Variants in CDC37 observed in about 807,000 individuals in gnomAD.
CDC37 encodes cell division cycle 37, HSP90 cochaperone, also known as hsp90 co-chaperone Cdc37.
A neutral mutation model predicts 46.9 loss-of-function variants in CDC37; 9 were observed. The observed-to-expected ratio is 0.19, with a 90% CI of 0.12 to 0.33. CDC37 has a LOEUF of 0.33. Among genes scored for constraint, CDC37 ranks in the 10% least tolerant of loss-of-function variants. The probability of loss-of-function intolerance (pLI) is 1.00; values close to 1 mark genes in which losing one functional copy is unlikely to be tolerated. For synonymous variants in CDC37, 193 were observed against 191.0 expected (o/e 1.01, Z -0.09); for missense variants, 388 against 514.6 (o/e 0.75, Z 2.38).
chr19:10,395,809 C>A, intron 2 of CDC37, 119 bp downstream of exon 2: 1 of 1,138,426 alleles, frequency 8.8e-7, no homozygotes, highest in East Asian at 2.4e-5. Flanking sequence ...CGCCCCCCAC[C>A]ACACTCTTCA....
chr19:10,403,535 TGGA>T lies in CDC37; in HGVS notation c.-59_-57del. 1 of 1,355,350 alleles carries T rather than the reference TGGA, an allele frequency of 7.4e-7. No homozygotes were observed. The highest frequency in any genetic ancestry group is 1.4e-5 in the African/African-American group (1 of 70,132). 84.0% of individuals were successfully genotyped at this position (1,355,350 alleles called of 1,614,324 possible). ...CGGGTGGCGGCGACGGCGGCAGCAG[TGGA>T]GACTAGGAGCGCGGAGCCCCGCCCC... is the stretch of plus-strand genomic sequence containing the variant. On this transcript the variant is annotated 5_prime_UTR_variant, in exon 1 of 8. Coordinates refer to ENST00000222005, the MANE Select transcript of CDC37 (RefSeq NM_007065.4).
intron 1 of CDC37, among the ~76,000 whole-genome samples, chr19:10,401,187 G>T (rs1231043757): frequency 6.6e-6 from 1 of 152,200 alleles, no homozygotes; most frequent in African/African-American, 2.4e-5. Flanking sequence ...CAGGGAGGTG[G>T]GGCCATATTA....
rs1268389243 is a variant in CDC37 at position 10,395,445 on chromosome 19, G to T, written c.477C>A (p.Ile159=). 4 of 1,613,554 alleles carry T rather than the reference G, an allele frequency of 2.5e-6. No individual in the cohort carries two copies. The highest frequency in any genetic ancestry group is 3.4e-6 in the Non-Finnish European group (4 of 1,179,536). The change falls in exon 3 of 8, where the codon ATC becomes ATA. Residue 159 remains isoleucine, a synonymous_variant. Transcript: ENST00000222005. The part of the protein sequence containing the change: ...KTFVEKYEKQ[I]KHFGMLRRWD... ...ACAAGCCCCACTCACCAAAGTGCTT[G>T]ATCTGTTTCTCGTATTTTTCCACGA...
chr19:10,391,537 G>A lies in CDC37; in HGVS notation c.*14C>T. 1.2e-6 allele frequency: 2 copies of A among 1,614,100 alleles called. No individual in the cohort carries two copies. The highest frequency in any genetic ancestry group is 1.7e-6 in the Non-Finnish European group (2 of 1,179,944). Reference sequence around the variant, plus strand: ...AGGGGCCTGGAAGCAGGTGGCGGTGGTAGCTGGGGCAGGTCACACACTGAC... The same window carrying A: ...AGGGGCCTGGAAGCAGGTGGCGGTGATAGCTGGGGCAGGTCACACACTGAC... On this transcript the variant is annotated 3_prime_UTR_variant, in exon 8 of 8. Transcript: ENST00000222005.
At chr19:10,399,404 T>C (rs79982275) in intron 1 of CDC37, among the ~76,000 whole-genome samples, 17,721 of 138,746 alleles carry the variant, frequency 0.13, 1,232 homozygotes, top group Middle Eastern at 0.21. Context: ...GCAGAAGTTG[T>C]AGTGAGCTGA....
intron 1 of CDC37, among the ~76,000 whole-genome samples, chr19:10,399,137 C>T (rs369500342): frequency 6.6e-6 from 1 of 152,140 alleles, no homozygotes; most frequent in Non-Finnish European, 1.5e-5. Flanking sequence ...ACACAGCCAG[C>T]CTGAGCCTCG....
chr19:10,395,870 C>T, intron 2 of CDC37, 58 bp downstream of exon 2: 1 of 1,580,836 alleles, frequency 6.3e-7, no homozygotes. Flanking sequence ...CGCATGCGTC[C>T]TGGTTGCAGG....
rs773125307 is a variant in CDC37, at chr19:10,393,867, G to A, written c.727-426C>T. 6 of 132,682 alleles carry A rather than the reference G, an allele frequency of 4.5e-5. No homozygotes were observed. The highest frequency in any genetic ancestry group is 8.4e-5 in the African/African-American group (3 of 35,522). The allele number at this position is 132,682 out of a possible 1,614,324, so 8.2% of individuals were successfully genotyped here. ...AGCACTTTGGGAGGCCGAGGCGGGCGGATCACGAGGTCAGGAGTTCGAAAA... is the reference window on the plus strand; with the variant it reads ...AGCACTTTGGGAGGCCGAGGCGGGCAGATCACGAGGTCAGGAGTTCGAAAA... On this transcript the variant is annotated intron_variant, in intron 5 of 7. Coordinates refer to ENST00000222005, the MANE Select transcript of CDC37 (RefSeq NM_007065.4). This position sits in a 1 kb window ranked among gnomAD's most constrained non-coding sequence, Gnocchi z 4.9.
chr19:10,395,853 T>C lies in CDC37; in HGVS notation c.378+75A>G, dbSNP rs996877734. 4.0e-5 allele frequency: 52 copies of C among 1,309,046 alleles called. 1 individual carries two copies. In the Middle Eastern group the frequency reaches 8.3e-4, roughly 21 times the overall value. The allele number at this position is 1,309,046 out of a possible 1,614,324, so 81.1% of individuals were successfully genotyped here. ...ACCGGGGTCCTCCCCTGACCAGGCA[T>C]TGGGTGCGCATGCGTCCTGGTTGCA... On this transcript the variant is annotated intron_variant, in intron 2 of 7. Coordinates refer to ENST00000222005, the MANE Select transcript of CDC37 (RefSeq NM_007065.4).
rs192167761 is a variant in CDC37 at position 10,401,029 on chromosome 19, C to T, written c.102+2349G>A. Among the ~76,000 whole-genome samples, 270 of 152,332 alleles carry T rather than the reference C, an allele frequency of 1.8e-3. 2 individuals are homozygous for T. The highest frequency in any genetic ancestry group is 6.3e-3 in the African/African-American group (260 of 41,570). ...ACAGCTCCCTGGCAGTCACGCAGCACGTGAGTGATACAGACAGAGCTGAGA... is the reference window on the plus strand; with the variant it reads ...ACAGCTCCCTGGCAGTCACGCAGCATGTGAGTGATACAGACAGAGCTGAGA... On this transcript the variant is annotated intron_variant, in intron 1 of 7. Transcript: ENST00000222005.
Position 10,393,144 on chromosome 19 carries a change from C to T in CDC37, c.923G>A (p.Cys308Tyr), listed in dbSNP as rs757882714. Residue 308 changes from cysteine (C) to tyrosine (Y), a missense_variant, in exon 7 of 8, where the codon TGC (cysteine) becomes TAC (tyrosine). Transcript: ENST00000222005. The surrounding 1 kb of genome is among the most constrained non-coding windows in gnomAD (Gnocchi z 4.9). ...CATCTGCACGTCCTTCACATCGAAG[C>T]ACTTCTGGAGTTCCTGGGGGTACAG... Reference protein sequence around the residue: ...YESLPEELQKCFDVKDVQMLQ... With the variant: ...YESLPEELQKYFDVKDVQMLQ... 1 of 1,613,998 alleles carries T rather than the reference C, an allele frequency of 6.2e-7. No homozygotes were observed. Among genetic ancestry groups the T allele is most frequent in the Non-Finnish European group, 8.5e-7 (1 of 1,179,970 alleles).
In CDC37 at chr19:10,398,158, A is replaced by C. The variant is rs2042501594; in HGVS notation, c.103-1955T>G. ...TGAAGCCCATGCATTTGACCACGTGACCAGAGTCCTCCCCACTACATCTTG... is the reference window on the plus strand; with the variant it reads ...TGAAGCCCATGCATTTGACCACGTGCCCAGAGTCCTCCCCACTACATCTTG... On this transcript the variant is annotated intron_variant, in intron 1 of 7. Transcript: ENST00000222005. This position sits in a 1 kb window ranked among gnomAD's most constrained non-coding sequence, Gnocchi z 4.2. Among the ~76,000 whole-genome samples the C allele has an allele frequency of 6.6e-6, 1 of 152,144 alleles. No individual in the cohort carries two copies.
intron 2 of CDC37, 116 bp downstream of exon 2, chr19:10,395,796 CCCCGCCCCCCACCACA>C: frequency 1.6e-6 from 1 of 607,220 alleles, no homozygotes; most frequent in Non-Finnish European, 2.5e-6. Context: ...TCCCTCAGCT[CCCCGCCCCCCACCACA>C]CTCTTCAACT....
chr19:10,395,378 C>CT, intron 3 of CDC37, 35 bp from the exon 4 acceptor site: 1 of 1,609,366 alleles, frequency 6.2e-7, no homozygotes, highest in Non-Finnish European at 8.5e-7. Context: ...CTGGAGGGCC[C>CT]TGGAGGCAAA....
At chr19:10,403,148 G>C (rs1291245759) in intron 1 of CDC37, among the ~76,000 whole-genome samples, 2 of 152,094 alleles carry the variant, frequency 1.3e-5, no homozygotes, top group African/African-American at 2.4e-5. Flanking sequence ...GGGGTGAATA[G>C]GGAATCCCAC....
Position 10,393,095 on chromosome 19 carries a change from C to T in CDC37, c.972G>A (p.Met324Ile). Reference protein sequence around the residue: ...VQMLQDAISKMDPTDAKYHMQ... With the variant: ...VQMLQDAISKIDPTDAKYHMQ... Reference sequence around the variant, plus strand: ...CGCGGGGGTTACTCACGGTGGGGTCCATCTTGCTGATGGCGTCCTGCAGCA... The same window carrying T: ...CGCGGGGGTTACTCACGGTGGGGTCTATCTTGCTGATGGCGTCCTGCAGCA... The change falls in exon 7 of 8, where the codon ATG becomes ATA. Residue 324 changes from methionine (M) to isoleucine (I), a missense_variant. Transcript: ENST00000222005. The surrounding 1 kb of genome is among the most constrained non-coding windows in gnomAD (Gnocchi z 4.9). The T allele has an allele frequency of 6.2e-7, 1 of 1,614,010 alleles. No homozygotes were observed. Among genetic ancestry groups the T allele is most frequent in the Non-Finnish European group, 8.5e-7 (1 of 1,179,944 alleles).
Position 10,398,896 on chromosome 19 carries a change from C to A in CDC37, c.103-2693G>T, listed in dbSNP as rs2042504515. ...CCTTTCCCAGCCTTGGTCTTCCCCT[C>A]TGTGAAATGGAGTCTCACAGGATCG... On this transcript the variant is annotated intron_variant, in intron 1 of 7. Coordinates refer to ENST00000222005, the MANE Select transcript of CDC37 (RefSeq NM_007065.4). The surrounding 1 kb of genome is among the most constrained non-coding windows in gnomAD (Gnocchi z 4.2). Among the ~76,000 whole-genome samples, 1 of 152,178 alleles carries A rather than the reference C, an allele frequency of 6.6e-6. No individual in the cohort carries two copies. The highest frequency in any genetic ancestry group is 2.1e-4 in the South Asian group (1 of 4,838).
intron 1 of CDC37, among the ~76,000 whole-genome samples, chr19:10,402,588 C>A (rs915781563): frequency 7.2e-5 from 11 of 152,100 alleles, no homozygotes; most frequent in African/African-American, 2.4e-4. Context: ...AGCAGGGGCT[C>A]TGGCTAGGCC....
At position 10,393,208 on chromosome 19, in the gene CDC37, G is replaced by T; in HGVS notation, c.909+51C>A. 6.2e-7 allele frequency: 1 copy of T among 1,612,356 alleles called. No individual in the cohort carries two copies. Among genetic ancestry groups the T allele is most frequent in the Non-Finnish European group, 8.5e-7 (1 of 1,178,682 alleles). ...AGGGGCTGGGTCCCTGTGGCCCTGG[G>T]GGGTCCCGCTCAGGGTCTTCCTGCT... is the stretch of plus-strand genomic sequence containing the variant. On this transcript the variant is annotated intron_variant, in intron 6 of 7. Transcript: ENST00000222005. The surrounding 1 kb of genome is among the most constrained non-coding windows in gnomAD (Gnocchi z 4.9).
Sources: gnomAD v4.1 joint callset for allele counts (sites outside exome capture counted in the v4.1 genomes callset) on GRCh38, gnomAD v4.1.1 for gene constraint, Gnocchi (gnomAD v3.1) non-coding constraint, MANE v1.5 for transcripts, NCBI Gene and HGNC (gene_info 2026-07-23, HGNC 2026-07-21) for gene names.